ULK4: variants seen among roughly 807,000 people sequenced by gnomAD.
ULK4 encodes the protein inactive serine/threonine-protein kinase ULK4.
A neutral mutation model predicts 160.6 loss-of-function variants in ULK4; 133 were observed. That is an observed-to-expected ratio of 0.83 (90% CI 0.72 to 0.96). The LOEUF is 0.96. ULK4 is among the 40% of genes least tolerant of loss of function. ULK4 has a pLI of 0.00. For synonymous variants in ULK4, 534 were observed against 539.8 expected, an observed-to-expected ratio of 0.99 and a Z score of 0.15; for missense variants, 1,580 against 1,499.5, an observed-to-expected ratio of 1.05 and a Z score of -0.89.
intron 12 of ULK4, among the ~76,000 whole-genome samples, chr3:41,902,575 CAAA>C (rs35656981): frequency 1.9e-5 from 1 of 53,238 alleles, no homozygotes. Context: ...GAGACTCCAC[CAAA>C]AAAAAAAAAG....
At chr3:41,681,710 A>C (rs1399120182) in intron 28 of ULK4, 43 bp downstream of exon 28, 1 of 1,613,946 alleles carries the variant, frequency 6.2e-7, no homozygotes, top group South Asian at 1.1e-5. Flanking sequence ...ATGAAAATAG[A>C]ATGTGTAACT....
At chr3:41,467,767 G>T (rs1029463705) in intron 32 of ULK4, among the ~76,000 whole-genome samples, 3 of 152,142 alleles carry the variant, frequency 2.0e-5, no homozygotes, top group Admixed American at 1.3e-4. Flanking sequence ...AAGAAAACTT[G>T]TCTCTATTGA....
At chr3:41,801,987 T>A (rs2040474983) in intron 19 of ULK4, among the ~76,000 whole-genome samples, 2 of 139,174 alleles carry the variant, frequency 1.4e-5, no homozygotes, top group Admixed American at 7.0e-5. Flanking sequence ...CAAAAGACAA[T>A]AAAGCAATAT....
chr3:41,678,221 CACACAG>C (rs1376172634), intron 29 of ULK4, among the ~76,000 whole-genome samples: 63 of 150,920 alleles, frequency 4.2e-4, no homozygotes, highest in African/African-American at 1.4e-3. Context: ...CACACACACA[CACACAG>C]AGCTCCTACT....
rs118055478 is a variant in ULK4 at position 41,383,961 on chromosome 3, A to C, written c.3678+14118T>G. On this transcript the variant is annotated intron_variant, in intron 35 of 36. Transcript: ENST00000301831. ...TTAACCACTTTGTTCCATAAATATTATCAAAATTTTATAGTTTTTACCCTT... is the reference window on the plus strand; with the variant it reads ...TTAACCACTTTGTTCCATAAATATTCTCAAAATTTTATAGTTTTTACCCTT... Among the ~76,000 whole-genome samples the C allele has an allele frequency of 3.2e-4, 48 of 152,304 alleles. 1 individual carries two copies. The East Asian group carries it at 8.3e-3, about 26-fold the overall frequency.
At chr3:41,915,071 T>C (rs1328877109) in intron 8 of ULK4, among the ~76,000 whole-genome samples, 2 of 152,170 alleles carry the variant, frequency 1.3e-5, no homozygotes, top group Non-Finnish European at 2.9e-5. Flanking sequence ...AGTGGTCCCA[T>C]GTAAGCAAAA....
intron 29 of ULK4, among the ~76,000 whole-genome samples, chr3:41,678,727 T>C (rs1377067144): frequency 6.6e-6 from 1 of 152,216 alleles, no homozygotes; most frequent in South Asian, 2.1e-4. Context: ...ACCATACCTG[T>C]GCATGAAAAG....
At chr3:41,909,964 TC>T (rs1291729561) in intron 11 of ULK4, among the ~76,000 whole-genome samples, 1 of 152,184 alleles carries the variant, frequency 6.6e-6, no homozygotes, top group African/African-American at 2.4e-5. Flanking sequence ...TGGCGCGATC[TC>T]AGCTCATTGC....
chr3:41,685,816 G>A (rs2036083807), intron 27 of ULK4, among the ~76,000 whole-genome samples: 1 of 152,034 alleles, frequency 6.6e-6, no homozygotes, highest in African/African-American at 2.4e-5. Flanking sequence ...TTATGCCCGG[G>A]CATAAGCTCC....
intron 18 of ULK4, among the ~76,000 whole-genome samples, chr3:41,826,688 A>C (rs1304413833): frequency 6.7e-6 from 1 of 150,080 alleles, no homozygotes; most frequent in African/African-American, 2.5e-5. Flanking sequence ...AAAGAGACTT[A>C]GACTCCCACA....
At chr3:41,674,368 A>G (rs6792487) in intron 29 of ULK4, among the ~76,000 whole-genome samples, 19,852 of 152,224 alleles carry the variant, frequency 0.13, 3,091 homozygotes, top group African/African-American at 0.37. Context: ...AGGTCAATTT[A>G]GGCTTCAGTT....
At chr3:41,855,573 T>C (rs2042316653) in intron 17 of ULK4, among the ~76,000 whole-genome samples, 2 of 152,250 alleles carry the variant, frequency 1.3e-5, no homozygotes, top group Non-Finnish European at 1.5e-5. Context: ...ACTTAAGTTA[T>C]GGCATAGAGA....
intron 5 of ULK4, among the ~76,000 whole-genome samples, chr3:41,925,712 G>A (rs1013374437): frequency 6.6e-6 from 1 of 152,142 alleles, no homozygotes; most frequent in African/African-American, 2.4e-5. Context: ...CTCGAGCTTG[G>A]TGTGGGGAGG....
At chr3:41,888,307 G>A (rs1003450518) in intron 16 of ULK4, among the ~76,000 whole-genome samples, 1 of 152,048 alleles carries the variant, frequency 6.6e-6, no homozygotes. Flanking sequence ...TAAAATACAA[G>A]TTCTTTTTAT....
chr3:41,859,647 CTTCT>C, intron 17 of ULK4: 1 of 444,756 alleles, frequency 2.2e-6, no homozygotes. Flanking sequence ...TCCCAAATTC[CTTCT>C]TTTTTGTTTG....
chr3:41,468,201 C>T (rs2083882807), intron 32 of ULK4, among the ~76,000 whole-genome samples: 1 of 151,910 alleles, frequency 6.6e-6, no homozygotes, highest in South Asian at 2.1e-4. Context: ...GGAGATTAAG[C>T]CCTAAAAACT....
chr3:41,580,324 A>G (rs955595201), intron 31 of ULK4, among the ~76,000 whole-genome samples: 1 of 152,172 alleles, frequency 6.6e-6, no homozygotes, highest in African/African-American at 2.4e-5. Context: ...TTATTAGATA[A>G]TCTTAGAATC....
chr3:41,689,731 C>CCA (rs1327983680), intron 27 of ULK4, among the ~76,000 whole-genome samples: 1 of 152,114 alleles, frequency 6.6e-6, no homozygotes, highest in Non-Finnish European at 1.5e-5. Context: ...CAAATCAATA[C>CCA]CACAATGAGA....
At chr3:41,501,663 G>T (rs1327024042) in intron 32 of ULK4, among the ~76,000 whole-genome samples, 1 of 152,036 alleles carries the variant, frequency 6.6e-6, no homozygotes, top group Non-Finnish European at 1.5e-5. Flanking sequence ...TTTGTAGCCA[G>T]AATAATTAAA....
Sources: gnomAD v4.1 joint callset for allele counts (sites outside exome capture counted in the v4.1 genomes callset) on GRCh38, gnomAD v4.1.1 for gene constraint, MANE v1.5 for transcripts, NCBI Gene and HGNC (gene_info 2026-07-23, HGNC 2026-07-21) for gene names.